CDH18: variants seen among roughly 807,000 people sequenced by gnomAD.
CDH18 encodes cadherin-18.
CDH18 carries 31 observed loss-of-function variants against 67.9 expected under a neutral mutation model. That is an observed-to-expected ratio of 0.46 (90% confidence interval 0.34 to 0.62). The LOEUF is 0.62. Ranked by LOEUF, CDH18 falls within the 20% of genes least tolerant of loss-of-function variation. CDH18 has a pLI of 0.01. For missense variants in CDH18, 890 were observed against 975.5 expected (o/e 0.91, Z 1.17); for synonymous variants, 362 against 347.2 (o/e 1.04, Z -0.48).
intron 4 of CDH18, among the ~76,000 whole-genome samples, chr5:19,742,190 T>G (rs1769303118): frequency 6.6e-6 from 1 of 152,150 alleles, no homozygotes. Context: ...CTTTTCTCAC[T>G]GGCAATATAG....
intron 3 of CDH18, among the ~76,000 whole-genome samples, chr5:19,801,548 C>A (rs1777471151): frequency 6.6e-6 from 1 of 152,120 alleles, no homozygotes; most frequent in Non-Finnish European, 1.5e-5. Flanking sequence ...ATAATTTGGG[C>A]ATAAGGATTT....
chr5:20,031,730 T>C (rs1739415659), intron 2 of CDH18, among the ~76,000 whole-genome samples: 1 of 152,090 alleles, frequency 6.6e-6, no homozygotes, highest in Non-Finnish European at 1.5e-5. Context: ...AGACTAAGAA[T>C]AGAATAATTA....
At chr5:20,345,061 C>G (rs1281814882) in intron 1 of CDH18, among the ~76,000 whole-genome samples, 1 of 152,142 alleles carries the variant, frequency 6.6e-6, no homozygotes, top group African/African-American at 2.4e-5. Context: ...CTGCCAAAGC[C>G]ATTCAATTAT....
chr5:20,098,581 A>G (rs1438356019), intron 2 of CDH18, among the ~76,000 whole-genome samples: 1 of 152,102 alleles, frequency 6.6e-6, no homozygotes, highest in Non-Finnish European at 1.5e-5. Flanking sequence ...AAAATGTGCC[A>G]TGAAATATCC....
At chr5:20,091,879 C>T (rs1435277866) in intron 2 of CDH18, among the ~76,000 whole-genome samples, 1 of 152,034 alleles carries the variant, frequency 6.6e-6, no homozygotes, top group African/African-American at 2.4e-5. Context: ...CCAGATCAGG[C>T]ATAGTCAGAG....
At chr5:19,585,698 A>G (rs1333079088) in intron 7 of CDH18, among the ~76,000 whole-genome samples, 1 of 152,098 alleles carries the variant, frequency 6.6e-6, no homozygotes, top group Non-Finnish European at 1.5e-5. Flanking sequence ...TAAAATTAAA[A>G]CATTTATTTC....
At chr5:19,947,584 A>C (rs1241132447) in intron 2 of CDH18, among the ~76,000 whole-genome samples, 2 of 109,028 alleles carry the variant, frequency 1.8e-5, no homozygotes, top group East Asian at 5.3e-4. Flanking sequence ...CTACTAAAAT[A>C]CAAAAAAAAA....
intron 5 of CDH18, among the ~76,000 whole-genome samples, chr5:19,634,872 G>A (rs1752910299): frequency 1.3e-5 from 2 of 151,262 alleles, no homozygotes; most frequent in East Asian, 1.9e-4. Flanking sequence ...GGGAGGCGGA[G>A]GTTGCAATGA....
chr5:20,399,589 T>C (rs940370548), intron 1 of CDH18, among the ~76,000 whole-genome samples: 3 of 152,182 alleles, frequency 2.0e-5, no homozygotes, highest in African/African-American at 7.2e-5. Context: ...GAATCTGAAT[T>C]TCATCTTTTA....
At chr5:19,581,587 T>TA in intron 7 of CDH18, among the ~76,000 whole-genome samples, 1 of 152,106 alleles carries the variant, frequency 6.6e-6, no homozygotes, top group African/African-American at 2.4e-5. Context: ...TCCTAACTAA[T>TA]AAGAGAAGAG....
chr5:19,664,638 T>TC (rs1757656598), intron 5 of CDH18, among the ~76,000 whole-genome samples: 1 of 151,912 alleles, frequency 6.6e-6, no homozygotes, highest in African/African-American at 2.4e-5. Context: ...CAAATGAGTC[T>TC]CCCCTATAAT....
At position 20,340,142 on chromosome 5, in the gene CDH18, A is replaced by T. The variant is rs144203764; in HGVS notation, c.-579-84637T>A. Among the ~76,000 whole-genome samples, 98 of 152,328 alleles carry T rather than the reference A, an allele frequency of 6.4e-4. No homozygotes were observed. In the East Asian group the frequency reaches 0.017, roughly 27 times the overall value. On this transcript the variant is annotated intron_variant, in intron 1 of 14. Coordinates refer to the CDH18 transcript ENST00000507958. ...ACCAGAAACCAGATGAAAATCCTTC[A>T]GCCTTTTTGGAAAGGCTGAGAAAAG...
intron 2 of CDH18, among the ~76,000 whole-genome samples, chr5:19,860,332 T>C (rs1235930628): frequency 6.6e-6 from 1 of 152,036 alleles, no homozygotes; most frequent in Non-Finnish European, 1.5e-5. Flanking sequence ...CCTTTTCTTA[T>C]TTTCATTCTA....
At chr5:20,142,246 G>A (rs1434718307) in intron 2 of CDH18, among the ~76,000 whole-genome samples, 1 of 151,974 alleles carries the variant, frequency 6.6e-6, no homozygotes, top group African/African-American at 2.4e-5. Context: ...AATTTAGTTA[G>A]CTAATTCCAT....
At chr5:20,388,887 T>A (rs1744565643) in intron 1 of CDH18, among the ~76,000 whole-genome samples, 1 of 152,184 alleles carries the variant, frequency 6.6e-6, no homozygotes, top group Non-Finnish European at 1.5e-5. Context: ...AATCCTGAGT[T>A]CTAGTTTGAT....
At chr5:19,817,410 T>A (rs1779407505) in intron 3 of CDH18, among the ~76,000 whole-genome samples, 1 of 151,984 alleles carries the variant, frequency 6.6e-6, no homozygotes, top group African/African-American at 2.4e-5. Context: ...ACATGATATG[T>A]GTACAAGGAC....
At chr5:20,507,103 A>G (rs901107866) in intron 1 of CDH18, among the ~76,000 whole-genome samples, 16 of 152,252 alleles carry the variant, frequency 1.1e-4, no homozygotes, top group African/African-American at 3.1e-4. Context: ...AGCCAGCAGT[A>G]TCTTTGTCAG....
chr5:19,969,155 C>A (rs903895932), intron 2 of CDH18, among the ~76,000 whole-genome samples: 1 of 148,360 alleles, frequency 6.7e-6, no homozygotes, highest in African/African-American at 2.6e-5. Flanking sequence ...TACCATCTCA[C>A]ACCAGTTAGA....
chr5:19,938,462 T>A (rs1234607550), intron 2 of CDH18, among the ~76,000 whole-genome samples: 2 of 151,528 alleles, frequency 1.3e-5, no homozygotes, highest in Non-Finnish European at 3.0e-5. Context: ...CATAACCCAA[T>A]AAGGTACATA....
Sources: gnomAD v4.1 joint callset for allele counts (sites outside exome capture counted in the v4.1 genomes callset) on GRCh38, gnomAD v4.1.1 for gene constraint, MANE v1.5 for transcripts, NCBI Gene and HGNC (gene_info 2026-07-23, HGNC 2026-07-21) for gene names.